The following AUTS2 variants were observed in gnomAD, a reference collection of about 807,000 sequenced individuals.
The protein encoded by AUTS2 is activator of transcription and developmental regulator AUTS2.
A neutral mutation model predicts 112.4 loss-of-function variants in AUTS2; 17 were observed. The observed-to-expected ratio is 0.15, with a 90% CI of 0.10 to 0.23. The LOEUF is 0.23. Among genes scored for constraint, AUTS2 ranks in the 10% least tolerant of loss-of-function variants. The probability of loss-of-function intolerance (pLI) is 1.00; values close to 1 mark genes in which losing one functional copy is unlikely to be tolerated. For synonymous variants in AUTS2, 751 were observed against 702.7 expected, an observed-to-expected ratio of 1.07 and a Z score of -1.09; for missense variants, 1,510 against 1,701.6, an observed-to-expected ratio of 0.89 and a Z score of 1.98.
chr7:70,423,252 T>A (rs11768371), intron 4 of AUTS2, among the ~76,000 whole-genome samples: 1 of 152,206 alleles, frequency 6.6e-6, no homozygotes, highest in Non-Finnish European at 1.5e-5. Flanking sequence ...TGGGAATTTT[T>A]ATCTCTGTCA....
chr7:69,869,782 T>C (rs1413540155), intron 1 of AUTS2, among the ~76,000 whole-genome samples: 1 of 152,174 alleles, frequency 6.6e-6, no homozygotes, highest in Non-Finnish European at 1.5e-5. Flanking sequence ...AACATTATTG[T>C]CTACTTGTTA....
intron 5 of AUTS2, among the ~76,000 whole-genome samples, chr7:70,488,863 T>C (rs1798128617): frequency 6.6e-6 from 1 of 152,218 alleles, no homozygotes. Flanking sequence ...GACAGCCACG[T>C]AGCTGACTCT....
intron 2 of AUTS2, among the ~76,000 whole-genome samples, chr7:69,932,933 T>C (rs1300893922): frequency 6.6e-6 from 1 of 152,190 alleles, no homozygotes; most frequent in Admixed American, 6.5e-5. Context: ...TGGTCTATAA[T>C]AACTCCAGGA....
intron 4 of AUTS2, among the ~76,000 whole-genome samples, chr7:70,354,031 C>G (rs961159256): frequency 6.6e-6 from 1 of 152,222 alleles, no homozygotes; most frequent in South Asian, 2.1e-4. Context: ...ATTATCAGCT[C>G]TTTACCTAAA....
intron 1 of AUTS2, among the ~76,000 whole-genome samples, chr7:69,894,252 GT>G (rs370966756): frequency 2.3e-3 from 86 of 36,742 alleles, no homozygotes; most frequent in Non-Finnish European, 3.2e-3. Context: ...GCCTTAAAGC[GT>G]TTTTTTTTTT....
chr7:70,724,589 G>A (rs1440286764), intron 6 of AUTS2, among the ~76,000 whole-genome samples: 2 of 151,936 alleles, frequency 1.3e-5, no homozygotes, highest in African/African-American at 2.4e-5. Flanking sequence ...GTGACTACAG[G>A]CGTCTACCAC....
chr7:70,778,717 T>G (rs1227401094), intron 14 of AUTS2, among the ~76,000 whole-genome samples: 2 of 152,238 alleles, frequency 1.3e-5, no homozygotes, highest in Non-Finnish European at 2.9e-5. Context: ...TTGGCTCATT[T>G]GTACTTTATT....
chr7:70,643,659 G>C (rs1805983133), intron 5 of AUTS2, among the ~76,000 whole-genome samples: 1 of 152,156 alleles, frequency 6.6e-6, no homozygotes, highest in African/African-American at 2.4e-5. Context: ...TTTTTAAGTG[G>C]ATCCTAAGAC....
chr7:69,899,940 C>T lies in AUTS2; in HGVS notation c.522+442C>T, dbSNP rs78992485. On this transcript the variant is annotated intron_variant, in intron 2 of 18. Coordinates refer to ENST00000342771, the MANE Select transcript of AUTS2 (RefSeq NM_015570.4). ...ATGCCTTGCTAAGATTTATATTTTCCGGGGAAGCTCAGATATTGTGGCATC... is the reference window on the plus strand; with the variant it reads ...ATGCCTTGCTAAGATTTATATTTTCTGGGGAAGCTCAGATATTGTGGCATC... Among the ~76,000 whole-genome samples the T allele has an allele frequency of 8.2e-3, 1,252 of 152,136 alleles. 3 individuals carry two copies. The highest frequency in any genetic ancestry group is 0.012 in the Non-Finnish European group (832 of 68,016).
At chr7:70,682,755 C>T (rs1455305372) in intron 5 of AUTS2, among the ~76,000 whole-genome samples, 1 of 152,258 alleles carries the variant, frequency 6.6e-6, no homozygotes, top group Non-Finnish European at 1.5e-5. Context: ...AGCTTCCTCT[C>T]TGTTCCACAT....
intron 2 of AUTS2, among the ~76,000 whole-genome samples, chr7:69,957,465 T>C (rs528626543): frequency 5.9e-5 from 9 of 152,258 alleles, no homozygotes; most frequent in African/African-American, 1.9e-4. Context: ...AATATCATTA[T>C]GTTGGATAAA....
At chr7:70,163,444 G>T (rs1252226008) in intron 4 of AUTS2, among the ~76,000 whole-genome samples, 2 of 147,474 alleles carry the variant, frequency 1.4e-5, no homozygotes, top group African/African-American at 2.5e-5. Context: ...TTTAGATTTC[G>T]CTCTGTCATG....
At chr7:70,101,395 G>T (rs1395174928) in intron 2 of AUTS2, among the ~76,000 whole-genome samples, 3 of 151,788 alleles carry the variant, frequency 2.0e-5, no homozygotes, top group Non-Finnish European at 1.5e-5. Context: ...GAAAAAAAGG[G>T]GCAGGTCCCC....
intron 5 of AUTS2, among the ~76,000 whole-genome samples, chr7:70,530,866 T>G (rs1800055507): frequency 6.6e-6 from 1 of 152,140 alleles, no homozygotes; most frequent in Non-Finnish European, 1.5e-5. Flanking sequence ...CACTCACCCA[T>G]CAGGCACCAA....
intron 5 of AUTS2, among the ~76,000 whole-genome samples, chr7:70,445,305 G>A (rs1479046746): frequency 3.9e-5 from 6 of 152,058 alleles, no homozygotes; most frequent in Admixed American, 2.0e-4. Flanking sequence ...CTGCTTCCCC[G>A]TACGTCAGTG....
At chr7:70,706,529 CA>C (rs1298029456) in intron 6 of AUTS2, among the ~76,000 whole-genome samples, 1 of 152,212 alleles carries the variant, frequency 6.6e-6, no homozygotes, top group African/African-American at 2.4e-5. Flanking sequence ...AGAAACCTAA[CA>C]AATCAGGAGC....
intron 1 of AUTS2, among the ~76,000 whole-genome samples, chr7:69,809,105 C>T (rs369382522): frequency 2.1e-4 from 32 of 151,916 alleles, no homozygotes; most frequent in South Asian, 1.5e-3. Flanking sequence ...GATGGAGTCT[C>T]GCTCCGTTGC....
intron 2 of AUTS2, among the ~76,000 whole-genome samples, chr7:70,075,505 T>C (rs906207169): frequency 6.6e-6 from 1 of 152,192 alleles, no homozygotes; most frequent in African/African-American, 2.4e-5. Flanking sequence ...CGTTAAAATA[T>C]ACTGTAGATT....
intron 5 of AUTS2, among the ~76,000 whole-genome samples, chr7:70,570,200 A>G (rs1801879675): frequency 6.6e-6 from 1 of 152,164 alleles, no homozygotes; most frequent in African/African-American, 2.4e-5. Context: ...GTAAGTTATG[A>G]TTCATACAAG....
Sources: allele counts gnomAD v4.1 joint callset (sites outside exome capture counted in the v4.1 genomes callset), GRCh38; gene constraint gnomAD v4.1.1; transcripts MANE v1.5; gene names NCBI Gene and HGNC (gene_info 2026-07-23, HGNC 2026-07-21).